Variants in RBM10 observed in about 807,000 individuals in gnomAD.
RBM10 encodes RNA-binding protein 10.
A neutral mutation model predicts 84.9 loss-of-function variants in RBM10; 1 was observed. The observed-to-expected ratio is 0.01, with a 90% CI of 0.00 to 0.06. The LOEUF (loss-of-function observed/expected upper bound fraction) is 0.06, where lower values mean the gene tolerates loss of function less well. Ranked by LOEUF, RBM10 falls within the 10% of genes least tolerant of loss-of-function variation. RBM10 has a pLI of 1.00. For synonymous variants in RBM10, 326 were observed against 344.5 expected (o/e 0.95, Z 0.60); for missense variants, 438 against 839.0 (o/e 0.52, Z 5.90).
chrX:47,174,317 A>G (rs782541680), intron 5 of RBM10, among the ~76,000 whole-genome samples: 33 of 110,697 alleles, frequency 3.0e-4, no homozygotes, highest in African/African-American at 1.0e-3. Context: ...CCTGGCCACC[A>G]TTCTCCTTTT....
rs150347752 is a variant in RBM10, at chrX:47,171,380, C to T, written c.432+122C>T. On this transcript the variant is annotated intron_variant, in intron 4 of 23. Coordinates refer to ENST00000377604, the MANE Select transcript of RBM10 (RefSeq NM_005676.5). ...CCTTTCATCCCTTCTCCCCCTCCAG[C>T]TCCTATCCCCCAGCACTGATCCGTC... 1,999 of 1,038,741 alleles carry T rather than the reference C, an allele frequency of 1.9e-3. 22 individuals are homozygous for T. The African/African-American group carries it at 0.033, about 17-fold the overall frequency. The allele number at this position is 1,038,741 out of a possible 1,213,427, so 85.6% of individuals were successfully genotyped here. A position where few individuals can be genotyped will look rare whatever the true frequency, so the allele number is the denominator to read the frequency against.
chrX:47,150,161 T>G (rs926388939), intron 2 of RBM10, among the ~76,000 whole-genome samples: 5 of 108,698 alleles, frequency 4.6e-5, no homozygotes, highest in Non-Finnish European at 7.6e-5. Context: ...ATGTATAGTG[T>G]TTTTTGTTTG....
chrX:47,169,223 C>A (rs1049938261), intron 2 of RBM10, 92 bp from the exon 3 acceptor site: 3 of 949,290 alleles, frequency 3.2e-6, no homozygotes, highest in Admixed American at 5.9e-5. Flanking sequence ...TCCAAAAAAA[C>A]CAAAACCCTA....
intron 2 of RBM10, among the ~76,000 whole-genome samples, chrX:47,147,834 C>T (rs1008514949): frequency 2.7e-5 from 3 of 110,990 alleles, no homozygotes; most frequent in Non-Finnish European, 5.7e-5. Flanking sequence ...TCAGGATTTG[C>T]CCGGGACCAC....
At chrX:47,173,943 C>T (rs895490388) in intron 5 of RBM10, among the ~76,000 whole-genome samples, 2 of 99,328 alleles carry the variant, frequency 2.0e-5, no homozygotes. Context: ...CTTTCTCCCT[C>T]TCTCTCTTTC....
chrX:47,152,774 G>GACACAC lies in RBM10; in HGVS notation c.17+5313_17+5318dup, dbSNP rs370048928. 4.7e-3 allele frequency among the ~76,000 whole-genome samples: 376 copies of GACACAC among 80,350 alleles called. 3 individuals are homozygous for GACACAC. The highest frequency in any genetic ancestry group is 0.014 in the African/African-American group (287 of 20,971). 69.8% of individuals were successfully genotyped at this position (80,350 alleles called of 115,157 possible). On this transcript the variant is annotated intron_variant, in intron 2 of 23. Coordinates refer to ENST00000377604, the MANE Select transcript of RBM10 (RefSeq NM_005676.5). ...CCCTATAGCTCTATATCTTTACATA[G>GACACAC]ACACACACACACACACACACACACA...
chrX:47,176,368 C>G, intron 6 of RBM10, 132 bp from the exon 7 acceptor site: 1 of 1,104,481 alleles, frequency 9.1e-7, no homozygotes. Context: ...CCTCCATCCG[C>G]TCTCCGACCT....
chrX:47,181,156 C>CT, intron 12 of RBM10, 59 bp from the exon 13 acceptor site: 1 of 67,890 alleles, frequency 1.5e-5, no homozygotes, highest in Non-Finnish European at 2.7e-5. Context: ...CTAGCAGGTT[C>CT]CCCACCCCCC....
Position 47,179,498 on chromosome X carries a change from G to A in RBM10, c.901+3G>A, listed in dbSNP as rs782187164. ...AAGCTCAGAGAACGCCAATGACAGT[G>A]AGTCAGTTGTTCCTTCTTCCTCTGT... On this transcript the variant is annotated splice_donor_region_variant and intron_variant, in intron 9 of 23. Transcript: ENST00000377604. The A allele has an allele frequency of 8.3e-7, 1 of 1,198,342 alleles. No individual in the cohort carries two copies. Among genetic ancestry groups the A allele is most frequent in the Non-Finnish European group, 1.1e-6 (1 of 893,606 alleles).
In RBM10 at chrX:47,151,228, A is replaced by G. The variant is rs782572648; in HGVS notation, c.17+3730A>G. On this transcript the variant is annotated intron_variant, in intron 2 of 23. Coordinates refer to ENST00000377604, the MANE Select transcript of RBM10 (RefSeq NM_005676.5). ...TAATTTTTTGTAGAGACGGAGTTTC[A>G]CCATGTTGTCCAGGCTGATCTTGAA... Among the ~76,000 whole-genome samples the G allele has an allele frequency of 4.1e-3, 455 of 110,779 alleles. 1 individual carries two copies. The highest frequency in any genetic ancestry group is 0.014 in the African/African-American group (418 of 30,506).
In RBM10 at chrX:47,173,148, G is replaced by T. The variant is rs782549484; in HGVS notation, c.453G>T (p.Ser151=). Residue 151 remains serine, a synonymous_variant, in exon 5 of 24, where the codon TCG becomes TCT. Coordinates refer to ENST00000377604, the MANE Select transcript of RBM10 (RefSeq NM_005676.5). The stretch of plus-strand genomic sequence containing the variant: ...TATAGATCCGTGGCCAGCTGCAGTC[G>T]CACGGCGTGCAAGCACGGGAGGTTC... The part of the protein sequence containing the change: ...TEDDIRGQLQ[S]HGVQAREVRL... The T allele has an allele frequency of 5.8e-6, 7 of 1,210,925 alleles. No individual in the cohort carries two copies. In the East Asian group the frequency reaches 2.1e-4, roughly 36 times the overall value.
At chrX:47,150,293 C>T (rs1932723840) in intron 2 of RBM10, among the ~76,000 whole-genome samples, 1 of 110,693 alleles carries the variant, frequency 9.0e-6, no homozygotes, top group South Asian at 3.8e-4. Flanking sequence ...CTCAGCCTCC[C>T]GAGTAGCTGG....
At position 47,171,014 on chromosome X, in the gene RBM10, A is replaced by T. The variant is rs990339811; in HGVS notation, c.202-14A>T. ...CTGCCCGTCTGGTGTCACTCATCTC[A>T]TTCTGTCGGCCAGGATTCCTACGAG... On this transcript the variant is annotated splice_polypyrimidine_tract_variant and intron_variant, in intron 3 of 23. Transcript: ENST00000377604. 39 of 1,206,401 alleles carry T rather than the reference A, an allele frequency of 3.2e-5. No homozygotes were observed. Among genetic ancestry groups the T allele is most frequent in the Non-Finnish European group, 4.3e-5 (38 of 892,435 alleles).
chrX:47,183,294 G>A (rs1602597282), intron 17 of RBM10, among the ~76,000 whole-genome samples: 2 of 112,067 alleles, frequency 1.8e-5, no homozygotes, highest in African/African-American at 6.5e-5. Flanking sequence ...GCTGGGGTGG[G>A]CAGATCACCT....
chrX:47,162,745 G>T (rs1262234771), intron 2 of RBM10, among the ~76,000 whole-genome samples: 1 of 110,356 alleles, frequency 9.1e-6, no homozygotes, highest in African/African-American at 3.3e-5. Context: ...GTGGTGGCAG[G>T]TGCCTGTAAT....
At chrX:47,177,628 T>A (rs1460710248) in intron 7 of RBM10, among the ~76,000 whole-genome samples, 6 of 110,622 alleles carry the variant, frequency 5.4e-5, no homozygotes, top group Non-Finnish European at 1.1e-4. Context: ...TCTCTTTTTT[T>A]TTTTTTTGAG....
At chrX:47,159,813 C>T (rs1391982608) in intron 2 of RBM10, among the ~76,000 whole-genome samples, 1 of 111,779 alleles carries the variant, frequency 8.9e-6, no homozygotes, top group Non-Finnish European at 1.9e-5. Flanking sequence ...TCACCATATA[C>T]AAAAATTAAG....
At position 47,179,291 on chromosome X, in the gene RBM10, C is replaced by T. The variant is rs782037865; in HGVS notation, c.725-28C>T. On this transcript the variant is annotated intron_variant, in intron 8 of 23. Coordinates refer to ENST00000377604, the MANE Select transcript of RBM10 (RefSeq NM_005676.5). Reference sequence around the variant, plus strand: ...CAGTCGTGGAGCCTTCCCCTTATCACCAGCCTGTCTCCCACTGCCCCTGAC... The same window carrying T: ...CAGTCGTGGAGCCTTCCCCTTATCATCAGCCTGTCTCCCACTGCCCCTGAC... 2.7e-5 allele frequency: 32 copies of T among 1,190,183 alleles called. No homozygotes were observed. In the East Asian group the frequency reaches 9.5e-4, roughly 35 times the overall value.
intron 2 of RBM10, among the ~76,000 whole-genome samples, chrX:47,166,439 A>C (rs1263164831): frequency 9.0e-6 from 1 of 111,162 alleles, no homozygotes; most frequent in African/African-American, 3.3e-5. Flanking sequence ...CAGTCTATCC[A>C]ATGTAGTTTT....
Sources: gnomAD v4.1 joint callset for allele counts (sites outside exome capture counted in the v4.1 genomes callset) on GRCh38, gnomAD v4.1.1 for gene constraint, MANE v1.5 for transcripts, NCBI Gene and HGNC (gene_info 2026-07-23, HGNC 2026-07-21) for gene names.